ACP6: variants seen among roughly 807,000 people sequenced by gnomAD.
ACP6 encodes acid phosphatase 6, lysophosphatidic, also known as lysophosphatidic acid phosphatase type 6.
ACP6 carries 48 observed loss-of-function variants against 48.1 expected under a neutral mutation model. The observed-to-expected ratio is 1.00, with a 90% CI of 0.79 to 1.27. ACP6 has a LOEUF of 1.27. ACP6 is among the 50% of genes most tolerant of loss of function. The pLI is 0.00. For missense variants in ACP6, 485 were observed against 529.1 expected (o/e 0.92, Z 0.82); for synonymous variants, 172 against 204.2 (o/e 0.84, Z 1.34).
In ACP6 at chr1:147,645,486, C is replaced by A. The variant is rs150632180; in HGVS notation, c.*1937G>T. ...AAGCCCTGGGACACCCCAACACTTA[C>A]GGATTAGAAAAAGGTAGATTCAGCA... On this transcript the variant is annotated 3_prime_UTR_variant, in exon 10 of 10. Coordinates refer to ENST00000583509, the MANE Select transcript of ACP6 (RefSeq NM_016361.5). 6.6e-6 allele frequency: 1 copy of A among 152,138 alleles called. No individual in the cohort carries two copies. The highest frequency in any genetic ancestry group is 2.4e-5 in the African/African-American group (1 of 41,470). 9.4% of individuals were successfully genotyped at this position (152,138 alleles called of 1,614,324 possible). A position where few individuals can be genotyped will look rare whatever the true frequency, so the allele number is the denominator to read the frequency against.
downstream of ACP6, among the ~76,000 whole-genome samples, chr1:147,641,674 C>T (rs1219946291): frequency 6.6e-6 from 1 of 152,160 alleles, no homozygotes; most frequent in Non-Finnish European, 1.5e-5. Flanking sequence ...GCTTTTCACA[C>T]CCTATTTTCC....
chr1:147,640,659 G>A (rs1449058825), downstream of ACP6, among the ~76,000 whole-genome samples: 2 of 152,102 alleles, frequency 1.3e-5, no homozygotes, highest in Non-Finnish European at 2.9e-5. Flanking sequence ...TACAGGGCAG[G>A]ACTTGAACTC....
rs782022454 is a variant in ACP6, at chr1:147,648,297, G to A, written c.1092C>T (p.Tyr364=). 11 of 1,614,156 alleles carry A rather than the reference G, an allele frequency of 6.8e-6. No individual in the cohort carries two copies. In the South Asian group the frequency reaches 1.2e-4, roughly 18 times the overall value. The change falls in exon 9 of 10, where the codon TAC becomes TAT. Residue 364 remains tyrosine (Y), a synonymous_variant. Transcript: ENST00000583509. ...PFAVDLTMEL[Y]QHLESKEWFV... ...ACCACTCCTTAGATTCCAGGTGCTGGTAAAGTTCCATGGTCAGGTCAACAG... is the reference window on the plus strand; with the variant it reads ...ACCACTCCTTAGATTCCAGGTGCTGATAAAGTTCCATGGTCAGGTCAACAG...
intron 6 of ACP6, among the ~76,000 whole-genome samples, chr1:147,653,233 C>T (rs1229770319): frequency 1.3e-5 from 2 of 151,684 alleles, no homozygotes; most frequent in East Asian, 3.9e-4. Context: ...CAGGTTCAAG[C>T]AAGTATTCTG....
Position 147,669,815 on chromosome 1 carries a change from G to C in ACP6, c.219+15C>G. 6.4e-7 allele frequency: 1 copy of C among 1,557,072 alleles called. No homozygotes were observed. On this transcript the variant is annotated intron_variant, in intron 1 of 9. Coordinates refer to ENST00000583509, the MANE Select transcript of ACP6 (RefSeq NM_016361.5). ...GTCCTCGCCCCACCAGCCCCAGCCC[G>C]GGCCGACCTCTCACCTGCTCCTCCA...
At chr1:147,654,831 C>CT (rs1557884969) in intron 5 of ACP6, among the ~76,000 whole-genome samples, 1 of 152,148 alleles carries the variant, frequency 6.6e-6, no homozygotes, top group East Asian at 1.9e-4. Context: ...TGTTGGTTTT[C>CT]TCATTTGCCC....
intron 7 of ACP6, 120 bp downstream of exon 7, chr1:147,652,329 G>T: frequency 9.9e-7 from 1 of 1,013,412 alleles, no homozygotes; most frequent in Non-Finnish European, 1.4e-6. Flanking sequence ...ATGGGGTTCA[G>T]CCTCCTTACA....
At chr1:147,662,254 C>G (rs1553212915) in intron 1 of ACP6, among the ~76,000 whole-genome samples, 1 of 152,086 alleles carries the variant, frequency 6.6e-6, no homozygotes, top group Non-Finnish European at 1.5e-5. Flanking sequence ...AACACAATGT[C>G]CTTTCTGCAG....
chr1:147,660,126 T>C (rs1033771051), intron 1 of ACP6, among the ~76,000 whole-genome samples: 6 of 152,216 alleles, frequency 3.9e-5, no homozygotes, highest in Admixed American at 2.6e-4. Flanking sequence ...AAATAAGATG[T>C]CAGTGACCAT....
rs1553214563 is a variant in ACP6 at position 147,670,247 on chromosome 1, G to A, written c.-199C>T. 1 of 546,296 alleles carries A rather than the reference G, an allele frequency of 1.8e-6. No individual in the cohort carries two copies. Among genetic ancestry groups the A allele is most frequent in the East Asian group, 3.0e-5 (1 of 33,358 alleles). The allele number at this position is 546,296 out of a possible 1,614,324, so 33.8% of individuals were successfully genotyped here. A position where few individuals can be genotyped will look rare whatever the true frequency, so the allele number is the denominator to read the frequency against. On this transcript the variant is annotated 5_prime_UTR_variant, in exon 1 of 10. Coordinates refer to ENST00000583509, the MANE Select transcript of ACP6 (RefSeq NM_016361.5). Reference sequence around the variant, plus strand: ...AGTGGGAACGGGGGAGAGAACAAGAGGTGGCAGCAGCGAAGAGTCCCTGGG... The same window carrying A: ...AGTGGGAACGGGGGAGAGAACAAGAAGTGGCAGCAGCGAAGAGTCCCTGGG...
At chr1:147,639,606 G>C (rs587735224), downstream of ACP6, among the ~76,000 whole-genome samples, 10 of 152,336 alleles carry the variant, frequency 6.6e-5, no homozygotes, top group East Asian at 9.6e-4. Flanking sequence ...CTTTTCCGGA[G>C]GTAGCTCCCA....
intron 1 of ACP6, among the ~76,000 whole-genome samples, chr1:147,661,470 A>C (rs1660543100): frequency 6.6e-6 from 1 of 152,102 alleles, no homozygotes; most frequent in Non-Finnish European, 1.5e-5. Flanking sequence ...GTGTTTTCTG[A>C]GTGCTCTGCT....
At chr1:147,669,259 C>T (rs797036028) in intron 1 of ACP6, among the ~76,000 whole-genome samples, 5 of 53,828 alleles carry the variant, frequency 9.3e-5, no homozygotes, top group African/African-American at 4.0e-4. Flanking sequence ...CCCTAGAATA[C>T]AACACTTGTT....
chr1:147,641,930 T>G (rs1659464005), downstream of ACP6, among the ~76,000 whole-genome samples: 1 of 152,016 alleles, frequency 6.6e-6, no homozygotes, highest in Non-Finnish European at 1.5e-5. Flanking sequence ...CCTACCACAG[T>G]TAAGAATCTC....
chr1:147,653,102 C>T (rs1247850695), intron 6 of ACP6, among the ~76,000 whole-genome samples: 1 of 152,114 alleles, frequency 6.6e-6, no homozygotes, highest in African/African-American at 2.4e-5. Context: ...GCTGGGATTA[C>T]AGGTGTGAGC....
At chr1:147,629,719 G>A (rs1164291234) in exon 6 of ACP6, 1 of 152,074 alleles carries the variant, frequency 6.6e-6, no homozygotes, top group Non-Finnish European at 1.5e-5. Context: ...CAAAACCAGT[G>A]GGTGGCCAAA....
At chr1:147,659,802 A>T in intron 1 of ACP6, 27 bp from the exon 2 acceptor site, 1 of 1,610,266 alleles carries the variant, frequency 6.2e-7, no homozygotes, top group Non-Finnish European at 8.5e-7. Flanking sequence ...AACACACCAC[A>T]TTGTTTAAAA....
intron 7 of ACP6, 55 bp from the exon 8 acceptor site, chr1:147,650,293 C>T (rs887884063): frequency 7.5e-7 from 1 of 1,328,370 alleles, no homozygotes; most frequent in Non-Finnish European, 1.0e-6. Flanking sequence ...ATTCAGGGGA[C>T]ACAGACTGAT....
Position 147,655,209 on chromosome 1 carries a change from A to G in ACP6, c.599T>C (p.Val200Ala). The stretch of plus-strand genomic sequence containing the variant: ...GCAGCTTTGGTAGTTGGGATACAAG[A>G]CTTCTGAATCTGCTTCATCAGTGTG... ...IIHTDEADSE[V>A]LYPNYQSCWS... The change falls in exon 5 of 10, where the codon GTC becomes GCC. Residue 200 changes from valine to alanine, a missense_variant. Physicochemically the swap from Val to Ala is moderately conservative, Grantham distance 64. Transcript: ENST00000583509. 6.2e-7 allele frequency: 1 copy of G among 1,609,358 alleles called. No individual in the cohort carries two copies.
Sources: gnomAD v4.1 joint callset for allele counts (sites outside exome capture counted in the v4.1 genomes callset) on GRCh38, gnomAD v4.1.1 for gene constraint, MANE v1.5 for transcripts, NCBI Gene and HGNC (gene_info 2026-07-23, HGNC 2026-07-21) for gene names.